The following SASS6 variants were observed in gnomAD, a reference collection of about 807,000 sequenced individuals.
SASS6 encodes spindle assembly abnormal protein 6 homolog.
Under a neutral mutation model 94.9 loss-of-function variants are expected in SASS6, and 59 were observed. The ratio of observed to expected loss-of-function variants is 0.62; its 90% CI spans 0.50 to 0.77. SASS6 has a LOEUF of 0.77. Among genes scored for constraint, SASS6 ranks in the 30% least tolerant of loss-of-function variants. The probability of loss-of-function intolerance (pLI) is 0.00; values close to 1 mark genes in which losing one functional copy is unlikely to be tolerated. For missense variants in SASS6, 698 were observed against 734.1 expected (o/e 0.95, Z 0.57); for synonymous variants, 264 against 270.0 (o/e 0.98, Z 0.22).
chr1:100,129,768 AT>A (rs1654867450), intron 1 of SASS6, among the ~76,000 whole-genome samples: 1 of 152,190 alleles, frequency 6.6e-6, no homozygotes, highest in Non-Finnish European at 1.5e-5. Context: ...TGACTTTCAT[AT>A]TGGAGAGATA....
intron 14 of SASS6, among the ~76,000 whole-genome samples, chr1:100,093,178 T>TC (rs1408538561): frequency 2.3e-5 from 3 of 131,762 alleles, no homozygotes; most frequent in East Asian, 2.1e-4. Context: ...TGTTTTCTTT[T>TC]TTTTTTTTTT....
chr1:100,119,109 T>A lies in SASS6; in HGVS notation c.578A>T (p.Asp193Val), dbSNP rs138192876. The A allele has an allele frequency of 1.9e-6, 3 of 1,574,420 alleles. No homozygotes were observed. Among genetic ancestry groups the A allele is most frequent in the Non-Finnish European group, 1.7e-6 (2 of 1,152,196 alleles). Residue 193 changes from aspartate to valine, a missense_variant, in exon 7 of 17, where the codon GAT becomes GTT. Transcript: ENST00000287482. ...KTLAEKKQEL[D>V]KLRNEWASHT... is the part of the protein sequence containing the mutation. ...TGACGCCCATTCATTCCGTAACTTA[T>A]CTAATTCTTGTTTTTTTTCTGCTAA... is the stretch of plus-strand genomic sequence containing the variant.
In SASS6 at chr1:100,132,890, G is replaced by C. The variant is rs1655199051; in HGVS notation, c.-76C>G. On this transcript the variant is annotated 5_prime_UTR_variant, in exon 1 of 17. Transcript: ENST00000287482. ...CTCGGGATTAGCCTGAGAGGTCCGG[G>C]TCCTGATAAAGTTTGAGTTTGGCGC... The C allele has an allele frequency of 7.2e-7, 1 of 1,383,598 alleles. No homozygotes were observed. The highest frequency in any genetic ancestry group is 1.0e-6 in the Non-Finnish European group (1 of 981,648). The allele number at this position is 1,383,598 out of a possible 1,614,324, so 85.7% of individuals were successfully genotyped here.
intron 14 of SASS6, among the ~76,000 whole-genome samples, chr1:100,090,170 AG>A (rs1318817946): frequency 6.6e-6 from 1 of 152,148 alleles, no homozygotes; most frequent in Non-Finnish European, 1.5e-5. Context: ...AAAACAGAAA[AG>A]GGAGGCAAGA....
intron 7 of SASS6, 55 bp from the exon 8 acceptor site, chr1:100,110,538 A>G: frequency 1.1e-6 from 1 of 888,392 alleles, no homozygotes; most frequent in Non-Finnish European, 1.6e-6. Flanking sequence ...TCAGAAATAC[A>G]AATACAGAAA....
chr1:100,119,091 C>A lies in SASS6; in HGVS notation c.596G>T (p.Trp199Leu), dbSNP rs146293280. 1 of 1,581,902 alleles carries A rather than the reference C, an allele frequency of 6.3e-7. No individual in the cohort carries two copies. Among genetic ancestry groups the A allele is most frequent in the Admixed American group, 1.7e-5 (1 of 59,332 alleles). ...TGTCAAGGCTGCTGTATGTGACGCC[C>A]ATTCATTCCGTAACTTATCTAATTC... is the stretch of plus-strand genomic sequence containing the variant. ...KQELDKLRNE[W>L]ASHTAALTNK... Residue 199 changes from tryptophan to leucine, a missense_variant, in exon 7 of 17, where the codon TGG (tryptophan) becomes TTG (leucine). Trp to Leu is a moderately conservative substitution (Grantham distance 61). Coordinates refer to ENST00000287482, the MANE Select transcript of SASS6 (RefSeq NM_194292.3).
At chr1:100,114,839 C>T (rs900316871) in intron 7 of SASS6, among the ~76,000 whole-genome samples, 1 of 152,096 alleles carries the variant, frequency 6.6e-6, no homozygotes, top group Non-Finnish European at 1.5e-5. Flanking sequence ...GATGATTCCA[C>T]CTTTGGAAAT....
chr1:100,118,463 C>T (rs1268162758), intron 7 of SASS6, among the ~76,000 whole-genome samples: 2 of 152,174 alleles, frequency 1.3e-5, no homozygotes, highest in East Asian at 3.8e-4. Flanking sequence ...ATATTTTATA[C>T]AGATATGTTG....
chr1:100,126,035 G>C, intron 1 of SASS6, 93 bp from the exon 2 acceptor site: 2 of 657,262 alleles, frequency 3.0e-6, no homozygotes, highest in South Asian at 2.1e-5. Flanking sequence ...TAAGTGACAA[G>C]ACTTTCCACA....
In SASS6 at chr1:100,085,196, T is replaced by C. The variant is rs992329730; in HGVS notation, c.*132A>G. 3.0e-6 allele frequency: 2 copies of C among 676,818 alleles called. No homozygotes were observed. Among genetic ancestry groups the C allele is most frequent in the South Asian group, 3.6e-5 (2 of 55,260 alleles). 41.9% of individuals were successfully genotyped at this position (676,818 alleles called of 1,614,324 possible). A position where few individuals can be genotyped will look rare whatever the true frequency, so the allele number is the denominator to read the frequency against. On this transcript the variant is annotated 3_prime_UTR_variant, in exon 17 of 17. Coordinates refer to ENST00000287482, the MANE Select transcript of SASS6 (RefSeq NM_194292.3). ...TTATAAACTGCCATAAAAGCAGTAC[T>C]TAAAGTATCCAGTCTTTAACAGCTC...
intron 2 of SASS6, 74 bp downstream of exon 2, chr1:100,125,808 C>T: frequency 1.2e-6 from 1 of 803,824 alleles, no homozygotes; most frequent in Non-Finnish European, 2.1e-6. Flanking sequence ...TAAAAGATGT[C>T]ACATTCTTAA....
intron 14 of SASS6, among the ~76,000 whole-genome samples, chr1:100,091,460 A>G (rs997706906): frequency 6.6e-6 from 1 of 152,024 alleles, no homozygotes; most frequent in African/African-American, 2.4e-5. Flanking sequence ...ATCCAAAATC[A>G]CTCAATAGAG....
chr1:100,098,511 T>G (rs1652254751), intron 14 of SASS6, among the ~76,000 whole-genome samples: 3 of 152,168 alleles, frequency 2.0e-5, no homozygotes, highest in Admixed American at 2.0e-4. Flanking sequence ...AAGAAAATGT[T>G]AATTAACATT....
At chr1:100,117,366 A>G (rs909955991) in intron 7 of SASS6, among the ~76,000 whole-genome samples, 4 of 150,066 alleles carry the variant, frequency 2.7e-5, no homozygotes, top group African/African-American at 9.8e-5. Flanking sequence ...GAAAATAACA[A>G]CCACAGCTGG....
In SASS6 at chr1:100,126,055, T is replaced by C. The variant is rs188836193; in HGVS notation, c.66-113A>G. 96 of 596,622 alleles carry C rather than the reference T, an allele frequency of 1.6e-4. 1 individual carries two copies. The highest frequency in any genetic ancestry group is 1.6e-3 in the Admixed American group (50 of 31,706). The allele number at this position is 596,622 out of a possible 1,614,324, so 37.0% of individuals were successfully genotyped here. ...GACAAGACTTTCCACAGGTGTTCTC[T>C]AACTTATGAACAGAAGTTTGAAAAG... On this transcript the variant is annotated intron_variant, in intron 1 of 16. Transcript: ENST00000287482.
In SASS6 at chr1:100,105,483, C is replaced by T. The variant is rs865974764; in HGVS notation, c.1545+284G>A. Among the ~76,000 whole-genome samples, 96 of 151,636 alleles carry T rather than the reference C, an allele frequency of 6.3e-4. 1 individual carries two copies. The highest frequency in any genetic ancestry group is 2.2e-3 in the African/African-American group (92 of 41,324). ...CGGAGCTTGCAGTGAGCCGAGATCG[C>T]GCCACTGCACTCCAGCCTGAGCGAC... is the stretch of plus-strand genomic sequence containing the variant. On this transcript the variant is annotated intron_variant, in intron 13 of 16. Coordinates refer to ENST00000287482, the MANE Select transcript of SASS6 (RefSeq NM_194292.3).
intron 7 of SASS6, among the ~76,000 whole-genome samples, chr1:100,117,837 A>C (rs1354873940): frequency 6.6e-6 from 1 of 151,626 alleles, no homozygotes; most frequent in Non-Finnish European, 1.5e-5. Context: ...AGAATTAAGA[A>C]GGTGGCAGGG....
chr1:100,107,434 T>C lies in SASS6; in HGVS notation c.1266A>G (p.Leu422=). ...EKLLAEKEEK[L]QKEQKELQDV... is the part of the protein sequence containing the mutation. ...CTTGTAATTCCTTTTGTTCCTTTTG[T>C]AATTTTTCCTCCTTCTCAGCCAAGA... The change falls in exon 11 of 17, where the codon TTA becomes TTG. Residue 422 remains leucine (L), a synonymous_variant. Transcript: ENST00000287482. 1 of 1,610,052 alleles carries C rather than the reference T, an allele frequency of 6.2e-7. No homozygotes were observed. Among genetic ancestry groups the C allele is most frequent in the South Asian group, 1.1e-5 (1 of 90,952 alleles).
rs765843620 is a variant in SASS6, at chr1:100,103,036, G to C, written c.1593C>G (p.Val531=). 5.6e-6 allele frequency: 9 copies of C among 1,606,832 alleles called. No individual in the cohort carries two copies. The highest frequency in any genetic ancestry group is 7.7e-6 in the Non-Finnish European group (9 of 1,173,548). The change falls in exon 14 of 17, where the codon GTC becomes GTG. Residue 531 remains valine (V), a synonymous_variant. Transcript: ENST00000287482. ...TYPTCGIGYP[V]SSAFAFQNTF... ...TATTCTGGAATGCAAATGCAGAGGA[G>C]ACAGGATAACCAATCCCACAGGTTG...
Sources: allele counts gnomAD v4.1 joint callset (sites outside exome capture counted in the v4.1 genomes callset), GRCh38; gene constraint gnomAD v4.1.1; transcripts MANE v1.5; gene names NCBI Gene and HGNC (gene_info 2026-07-23, HGNC 2026-07-21).